RCC1L: variants seen among roughly 807,000 people sequenced by gnomAD.
RCC1L encodes the protein RCC1-like G exchanging factor-like protein.
In RCC1L, 46 loss-of-function variants were observed where a neutral mutation model predicts 58.6. That is an observed-to-expected ratio of 0.79 (90% CI 0.62 to 1.00). The LOEUF is 1.00. Among genes scored for constraint, RCC1L ranks in the 50% least tolerant of loss-of-function variants. RCC1L has a pLI of 0.00. For missense variants in RCC1L, 636 were observed against 623.6 expected (o/e 1.02, Z -0.21); for synonymous variants, 281 against 262.9 (o/e 1.07, Z -0.67).
chr7:75,069,397 A>G (rs1343110475), intron 2 of RCC1L, among the ~76,000 whole-genome samples: 2 of 149,652 alleles, frequency 1.3e-5, no homozygotes, highest in Non-Finnish European at 3.0e-5. Flanking sequence ...TTAGAGACAG[A>G]GTCTCGCTAT....
intron 10 of RCC1L, among the ~76,000 whole-genome samples, chr7:75,032,419 G>A (rs1477107950): frequency 2.6e-5 from 4 of 152,330 alleles, no homozygotes; most frequent in East Asian, 1.9e-4. Context: ...GAGGAGCACC[G>A]TGCTTCTGGC....
Position 75,070,731 on chromosome 7 carries a change from C to T in RCC1L, c.363G>A (p.Leu121=), listed in dbSNP as rs1208469649. The T allele has an allele frequency of 1.2e-6, 2 of 1,613,994 alleles. No homozygotes were observed. Among genetic ancestry groups the T allele is most frequent in the Admixed American group, 1.7e-5 (1 of 59,976 alleles). The change falls in exon 2 of 11, where the codon CTG becomes CTA. Residue 121 remains leucine, a synonymous_variant. Transcript: ENST00000610322. ...TCGTAACATCCGCAGTCTTAGAGGA[C>T]AGCAGTGTGAATCCATAGCCGCAAG... ...SAACGYGFTL[L]SSKTADVTKV...
At chr7:75,029,883 C>T (rs1395496480) in intron 10 of RCC1L, among the ~76,000 whole-genome samples, 2 of 152,174 alleles carry the variant, frequency 1.3e-5, no homozygotes, top group Non-Finnish European at 1.5e-5. Context: ...GGAGGCCGGG[C>T]TCGGTGGCTT....
At position 75,043,226 on chromosome 7, in the gene RCC1L, G is replaced by A. The variant is rs928654523; in HGVS notation, c.1318-117C>T. On this transcript the variant is annotated intron_variant, in intron 10 of 10. Transcript: ENST00000610322. The stretch of plus-strand genomic sequence containing the variant: ...TAGGAGACTCAGTAGGAGACAGCTT[G>A]TCTCAGCAGGAGACAGCTTGTCTCA... The A allele has an allele frequency of 2.7e-5, 31 of 1,166,984 alleles. No homozygotes were observed. The African/African-American group carries it at 4.2e-4, about 16-fold the overall frequency. The allele number at this position is 1,166,984 out of a possible 1,614,324, so 72.3% of individuals were successfully genotyped here. A position where few individuals can be genotyped will look rare whatever the true frequency, so the allele number is the denominator to read the frequency against.
At chr7:75,071,983 C>A (rs1806746793) in intron 1 of RCC1L, among the ~76,000 whole-genome samples, 1 of 149,766 alleles carries the variant, frequency 6.7e-6, no homozygotes. Flanking sequence ...TTGGTCCCAG[C>A]TACATGGGAG....
intron 2 of RCC1L, among the ~76,000 whole-genome samples, chr7:75,068,658 C>A (rs1371410157): frequency 6.6e-6 from 1 of 151,946 alleles, no homozygotes; most frequent in Non-Finnish European, 1.5e-5. Context: ...TGCACTCCAG[C>A]CTGGGCGACA....
rs587602877 is a variant in RCC1L at position 75,063,433 on chromosome 7, C to T, written c.651-90G>A. On this transcript the variant is annotated intron_variant, in intron 4 of 10. Transcript: ENST00000610322. ...TTCCCTGTCACCCCAACTGATGGCC[C>T]GTCCCCTCCGCTCACACAGTAACTG... 810 of 1,307,798 alleles carry T rather than the reference C, an allele frequency of 6.2e-4. 3 individuals are homozygous for T. In the African/African-American group the frequency reaches 0.01, roughly 17 times the overall value. The allele number at this position is 1,307,798 out of a possible 1,614,324, so 81.0% of individuals were successfully genotyped here. A position where few individuals can be genotyped will look rare whatever the true frequency, so the allele number is the denominator to read the frequency against.
intron 9 of RCC1L, among the ~76,000 whole-genome samples, chr7:75,053,718 C>T (rs1172684366): frequency 1.3e-5 from 2 of 152,124 alleles, no homozygotes; most frequent in Non-Finnish European, 2.9e-5. Flanking sequence ...ACTCCTGGGC[C>T]CATGTCACCA....
chr7:75,043,057 A>G lies in RCC1L; in HGVS notation c.1370T>C (p.Val457Ala). 1 of 1,614,032 alleles carries G rather than the reference A, an allele frequency of 6.2e-7. No homozygotes were observed. Among genetic ancestry groups the G allele is most frequent in the Non-Finnish European group, 8.5e-7 (1 of 1,179,862 alleles). ...TTAGATGAATGACTTGGCCAGGGTC[A>G]CCATGTGGTCCACGCCACATGCCAC... ...VDVACGVDHM[V>A]TLAKSFI The change falls in exon 11 of 11, where the codon GTG becomes GCG. Residue 457 changes from valine to alanine, a missense_variant. Coordinates refer to ENST00000610322, the MANE Select transcript of RCC1L (RefSeq NM_030798.5).
At chr7:75,073,171 T>C (rs1554446399) in intron 1 of RCC1L, among the ~76,000 whole-genome samples, 3 of 152,160 alleles carry the variant, frequency 2.0e-5, no homozygotes, top group Non-Finnish European at 4.4e-5. Context: ...GGAATAACTG[T>C]CGACTCACTG....
At chr7:75,048,261 C>T (rs1364300981) in intron 10 of RCC1L, among the ~76,000 whole-genome samples, 1 of 77,224 alleles carries the variant, frequency 1.3e-5, no homozygotes, top group African/African-American at 6.1e-5. Flanking sequence ...AGCAGGACAT[C>T]GCCTCAAAAA....
At chr7:75,040,266 C>G (rs1805523200), downstream of RCC1L, among the ~76,000 whole-genome samples, 1 of 152,180 alleles carries the variant, frequency 6.6e-6, no homozygotes, top group African/African-American at 2.4e-5. Flanking sequence ...TCGAGACCAG[C>G]CTGGCCAACA....
At chr7:75,054,829 G>A (rs2131990960) in intron 9 of RCC1L, among the ~76,000 whole-genome samples, 1 of 152,312 alleles carries the variant, frequency 6.6e-6, no homozygotes, top group African/African-American at 2.4e-5. Context: ...AAATGCAAGT[G>A]GCCACTCTGG....
rs956128724 is a variant in RCC1L, at chr7:75,051,837, G to A, written c.1317+874C>T. On this transcript the variant is annotated intron_variant, in intron 10 of 10. Transcript: ENST00000610322. ...TCACAGGCACACACACACAAAGCAC[G>A]CATGCACACCAGTCTCTATGCAGAG... Among the ~76,000 whole-genome samples, 7 of 152,196 alleles carry A rather than the reference G, an allele frequency of 4.6e-5. No individual in the cohort carries two copies. In the East Asian group the frequency reaches 7.7e-4, roughly 17 times the overall value.
At chr7:75,060,170 T>A (rs1355721052) in intron 6 of RCC1L, among the ~76,000 whole-genome samples, 1 of 152,230 alleles carries the variant, frequency 6.6e-6, no homozygotes, top group Non-Finnish European at 1.5e-5. Context: ...GTATCATGCA[T>A]TTAAGTTTCC....
intron 2 of RCC1L, among the ~76,000 whole-genome samples, chr7:75,068,825 T>C (rs1334315775): frequency 1.3e-5 from 2 of 152,202 alleles, no homozygotes; most frequent in African/African-American, 4.8e-5. Flanking sequence ...GTCCAGTATG[T>C]ACTTCTGGGT....
At chr7:75,071,222 T>C (rs1222080307) in intron 1 of RCC1L, among the ~76,000 whole-genome samples, 5 of 152,102 alleles carry the variant, frequency 3.3e-5, no homozygotes, top group Non-Finnish European at 7.3e-5. Context: ...TTGATAAGTA[T>C]TATCTCATTT....
At chr7:75,055,244 T>C (rs1204688248) in intron 9 of RCC1L, among the ~76,000 whole-genome samples, 1 of 152,132 alleles carries the variant, frequency 6.6e-6, no homozygotes, top group Non-Finnish European at 1.5e-5. Flanking sequence ...GAGCAGCAAA[T>C]TGAACCCACG....
At chr7:75,045,162 C>A (rs1050182633) in intron 10 of RCC1L, among the ~76,000 whole-genome samples, 6 of 151,952 alleles carry the variant, frequency 3.9e-5, no homozygotes, top group African/African-American at 1.4e-4. Context: ...GCACGTGCCA[C>A]CATGCCTGGC....
Sources: gnomAD v4.1 joint callset for allele counts (sites outside exome capture counted in the v4.1 genomes callset) on GRCh38, gnomAD v4.1.1 for gene constraint, MANE v1.5 for transcripts, NCBI Gene and HGNC (gene_info 2026-07-23, HGNC 2026-07-21) for gene names.